EPHA6: variants seen among roughly 807,000 people sequenced by gnomAD.
The protein encoded by EPHA6 is EPH receptor A6.
A neutral mutation model predicts 112.0 loss-of-function variants in EPHA6; 50 were observed. That is an observed-to-expected ratio of 0.45 (90% CI 0.36 to 0.56). The LOEUF is 0.56. Among genes scored for constraint, EPHA6 ranks in the 20% least tolerant of loss-of-function variants. The pLI is 0.00. For missense variants in EPHA6, 1,280 were observed against 1,417.4 expected (o/e 0.90, Z 1.56); for synonymous variants, 529 against 490.7 (o/e 1.08, Z -1.03).
intron 15 of EPHA6, 122 bp from the exon 16 acceptor site, chr3:97,735,803 T>C: frequency 3.0e-6 from 2 of 662,522 alleles, no homozygotes; most frequent in Non-Finnish European, 4.9e-6. Context: ...TAGGTCCTTG[T>C]ACTCACAAGT....
chr3:96,953,372 C>T (rs2041628795), intron 2 of EPHA6, among the ~76,000 whole-genome samples: 1 of 152,000 alleles, frequency 6.6e-6, no homozygotes, highest in South Asian at 2.1e-4. Context: ...GTTTAAAAAC[C>T]CAATATACAT....
At chr3:97,419,541 C>T (rs2088433961) in intron 6 of EPHA6, among the ~76,000 whole-genome samples, 1 of 152,028 alleles carries the variant, frequency 6.6e-6, no homozygotes, top group Non-Finnish European at 1.5e-5. Context: ...AGGAGAATCG[C>T]TTGAACCTGG....
At chr3:97,012,607 GTA>G (rs200070318) in intron 3 of EPHA6, among the ~76,000 whole-genome samples, 3,549 of 131,984 alleles carry the variant, frequency 0.027, 115 homozygotes, top group African/African-American at 0.087. Flanking sequence ...GTGTGTGTGT[GTA>G]TATATATATA....
At chr3:96,994,370 T>C (rs1224350628) in intron 3 of EPHA6, 1 of 221,064 alleles carries the variant, frequency 4.5e-6, no homozygotes, top group Non-Finnish European at 9.3e-6. Flanking sequence ...TGTTTTAATT[T>C]ATTCTACTTA....
At position 97,760,410 on chromosome 3, in the gene EPHA6, A is replaced by G. The variant is rs1448134300; in HGVS notation, c.*11709A>G. The G allele has an allele frequency of 6.0e-6, 1 of 166,236 alleles. No individual in the cohort carries two copies. The highest frequency in any genetic ancestry group is 2.4e-5 in the African/African-American group (1 of 41,510). The allele number at this position is 166,236 out of a possible 1,614,324, so 10.3% of individuals were successfully genotyped here. A position where few individuals can be genotyped will look rare whatever the true frequency, so the allele number is the denominator to read the frequency against. On this transcript the variant is annotated 3_prime_UTR_variant, in exon 18 of 18. Transcript: ENST00000389672. The stretch of plus-strand genomic sequence containing the variant: ...CATATGTATGTGTGTATGTGTGTAT[A>G]TATATCTCTCTAGGTTGTATGTAAT...
At chr3:97,422,667 A>G (rs1316423016) in intron 6 of EPHA6, among the ~76,000 whole-genome samples, 3 of 152,192 alleles carry the variant, frequency 2.0e-5, no homozygotes, top group African/African-American at 7.2e-5. Context: ...AAAATCAACC[A>G]GAAGTTCAGC....
intron 2 of EPHA6, among the ~76,000 whole-genome samples, chr3:96,973,845 AAG>A (rs1243733916): frequency 2.0e-5 from 3 of 146,764 alleles, no homozygotes; most frequent in African/African-American, 7.4e-5. Context: ...AAAAAAGAAA[AAG>A]AACCTCTATA....
chr3:97,335,043 G>A (rs2082991686), intron 5 of EPHA6, among the ~76,000 whole-genome samples: 1 of 152,104 alleles, frequency 6.6e-6, no homozygotes, highest in African/African-American at 2.4e-5. Context: ...TAGACCAAGT[G>A]GCTTAAACAA....
At chr3:97,391,800 C>T (rs560849741) in intron 5 of EPHA6, among the ~76,000 whole-genome samples, 52 of 151,892 alleles carry the variant, frequency 3.4e-4, no homozygotes, top group African/African-American at 1.2e-3. Context: ...TATTTTATTT[C>T]ATATTATGAA....
At chr3:97,349,096 A>C (rs1333164148) in intron 5 of EPHA6, among the ~76,000 whole-genome samples, 1 of 152,068 alleles carries the variant, frequency 6.6e-6, no homozygotes, top group East Asian at 1.9e-4. Context: ...CATATTTCCT[A>C]TCACTGCTTC....
At chr3:96,900,070 G>A (rs1339059146) in intron 2 of EPHA6, among the ~76,000 whole-genome samples, 1 of 152,150 alleles carries the variant, frequency 6.6e-6, no homozygotes, top group Non-Finnish European at 1.5e-5. Context: ...TTTTAAGGTT[G>A]AAATGGGAAT....
intron 2 of EPHA6, among the ~76,000 whole-genome samples, chr3:96,946,404 T>G (rs777346692): frequency 1.3e-5 from 2 of 151,254 alleles, no homozygotes; most frequent in East Asian, 4.0e-4. Context: ...AATTCCCACT[T>G]ATGAGTGAGA....
intron 3 of EPHA6, among the ~76,000 whole-genome samples, chr3:97,183,380 A>G (rs1467934847): frequency 6.6e-6 from 1 of 152,176 alleles, no homozygotes; most frequent in Non-Finnish European, 1.5e-5. Context: ...AAATTCCACA[A>G]TATTAGATAA....
chr3:97,660,605 T>C (rs1244408293), intron 14 of EPHA6, among the ~76,000 whole-genome samples: 1 of 152,038 alleles, frequency 6.6e-6, no homozygotes, highest in Non-Finnish European at 1.5e-5. Flanking sequence ...AAAACATCAT[T>C]CTGTGAGCTC....
chr3:97,109,908 T>C lies in EPHA6; in HGVS notation c.1115-116356T>C, dbSNP rs373374406. Among the ~76,000 whole-genome samples, 14 of 152,070 alleles carry C rather than the reference T, an allele frequency of 9.2e-5. No homozygotes were observed. The East Asian group carries it at 2.5e-3, about 27-fold the overall frequency. ...GGTAACCTAACAATTTCCACCAAAA[T>C]AATCACCGGGATTAGAAGGGCTGGG... On this transcript the variant is annotated intron_variant, in intron 3 of 17. Coordinates refer to ENST00000389672, the MANE Select transcript of EPHA6 (RefSeq NM_001080448.3).
chr3:97,618,901 T>G (rs1361428558), intron 13 of EPHA6, among the ~76,000 whole-genome samples: 1 of 152,060 alleles, frequency 6.6e-6, no homozygotes, highest in Non-Finnish European at 1.5e-5. Context: ...GACTCCACCA[T>G]AACTCATTCT....
At chr3:97,620,975 G>T (rs2093809193) in intron 13 of EPHA6, among the ~76,000 whole-genome samples, 1 of 152,004 alleles carries the variant, frequency 6.6e-6, no homozygotes, top group Non-Finnish European at 1.5e-5. Context: ...TATATTCATT[G>T]CAGCACTATA....
rs547525052 is a variant in EPHA6, at chr3:97,176,514, G to A, written c.1115-49750G>A. Among the ~76,000 whole-genome samples the A allele has an allele frequency of 2.1e-4, 32 of 151,822 alleles. No individual in the cohort carries two copies. The East Asian group carries it at 5.4e-3, about 26-fold the overall frequency. On this transcript the variant is annotated intron_variant, in intron 3 of 17. Coordinates refer to ENST00000389672, the MANE Select transcript of EPHA6 (RefSeq NM_001080448.3). ...ACTGGTAGGGTTCAGCAGTGGACTC[G>A]TTGGGTCCCAGGCTTTTCTTTACTG... is the stretch of plus-strand genomic sequence containing the variant.
chr3:97,522,597 G>C (rs2092560871), intron 10 of EPHA6, among the ~76,000 whole-genome samples: 2 of 152,016 alleles, frequency 1.3e-5, no homozygotes, highest in African/African-American at 4.8e-5. Flanking sequence ...CTTCTTCAAG[G>C]GGAGATTTTA....
Sources: allele counts gnomAD v4.1 joint callset (sites outside exome capture counted in the v4.1 genomes callset), GRCh38; gene constraint gnomAD v4.1.1; transcripts MANE v1.5; gene names NCBI Gene and HGNC (gene_info 2026-07-23, HGNC 2026-07-21).